The following AOAH variants were observed in gnomAD, a reference collection of about 807,000 sequenced individuals.
AOAH encodes the protein acyloxyacyl hydrolase, also known as acyloxyacyl hydrolase (neutrophil).
A neutral mutation model predicts 92.2 loss-of-function variants in AOAH; 64 were observed. The ratio of observed to expected loss-of-function variants is 0.69; its 90% CI spans 0.57 to 0.86. AOAH has a LOEUF of 0.86. Ranked by LOEUF, AOAH falls within the 40% of genes least tolerant of loss-of-function variation. The pLI, the probability that AOAH is intolerant of heterozygous loss-of-function variation, is 0.00. For synonymous variants in AOAH, 263 were observed against 254.5 expected, an observed-to-expected ratio of 1.03 and a Z score of -0.32; for missense variants, 656 against 694.6, an observed-to-expected ratio of 0.94 and a Z score of 0.62.
chr7:36,724,259 T>C lies in AOAH; in HGVS notation c.-111A>G. ...ATCTCTCTCTCCTTCTCTTCCTCAC[T>C]CTCTTTGACACACACACCCCACCCT... On this transcript the variant is annotated 5_prime_UTR_variant, in exon 1 of 21. Transcript: ENST00000617537. The C allele has an allele frequency of 7.7e-7, 1 of 1,298,716 alleles. No individual in the cohort carries two copies. Among genetic ancestry groups the C allele is most frequent in the Non-Finnish European group, 1.1e-6 (1 of 921,758 alleles). The allele number at this position is 1,298,716 out of a possible 1,614,324, so 80.4% of individuals were successfully genotyped here. A position where few individuals can be genotyped will look rare whatever the true frequency, so the allele number is the denominator to read the frequency against.
At chr7:36,691,442 T>G (rs375597296) in intron 1 of AOAH, among the ~76,000 whole-genome samples, 14 of 152,328 alleles carry the variant, frequency 9.2e-5, no homozygotes, top group East Asian at 5.8e-4. Flanking sequence ...TGAATCTCAT[T>G]GCACCTTACC....
intron 11 of AOAH, among the ~76,000 whole-genome samples, chr7:36,612,122 T>G (rs1298278757): frequency 6.6e-6 from 1 of 152,174 alleles, no homozygotes; most frequent in East Asian, 1.9e-4. Context: ...TCCAAGATCT[T>G]GAGCCACAAT....
chr7:36,522,163 CG>C lies in AOAH; in HGVS notation c.1523-49del, dbSNP rs1562859233. ...GTTACAGACACACTTGCACAAGCAACGGCCAATATCCAAGGACAAGGACGTG... is the reference window on the plus strand; with the variant it reads ...GTTACAGACACACTTGCACAAGCAACGCCAATATCCAAGGACAAGGACGTG... On this transcript the variant is annotated intron_variant, in intron 19 of 20. Coordinates refer to ENST00000617537, the MANE Select transcript of AOAH (RefSeq NM_001637.4). 1.9e-6 allele frequency: 3 copies of C among 1,571,894 alleles called. No homozygotes were observed. The Admixed American group carries it at 5.0e-5, about 26-fold the overall frequency.
intron 1 of AOAH, among the ~76,000 whole-genome samples, chr7:36,694,662 AT>A (rs1201407454): frequency 2.6e-5 from 4 of 152,380 alleles, no homozygotes; most frequent in East Asian, 1.9e-4. Flanking sequence ...GTTATAAAAA[AT>A]GTCCTCTGTA....
intron 15 of AOAH, among the ~76,000 whole-genome samples, chr7:36,545,815 G>A (rs189157266): frequency 3.3e-4 from 50 of 152,232 alleles, no homozygotes; most frequent in African/African-American, 1.1e-3. Flanking sequence ...GGGATGCTGC[G>A]CTGGGATGTT....
chr7:36,604,939 C>A (rs1790892212), intron 11 of AOAH, among the ~76,000 whole-genome samples: 1 of 152,204 alleles, frequency 6.6e-6, no homozygotes, highest in Admixed American at 6.5e-5. Context: ...TTCCTTTGAG[C>A]TCTTTAGCGG....
intron 13 of AOAH, among the ~76,000 whole-genome samples, chr7:36,570,258 G>A (rs921000023): frequency 3.3e-5 from 5 of 150,156 alleles, no homozygotes; most frequent in East Asian, 1.9e-4. Context: ...AGTGGAATCC[G>A]GCAGTATTCG....
At chr7:36,630,243 T>C (rs1263751558) in intron 6 of AOAH, among the ~76,000 whole-genome samples, 1 of 152,218 alleles carries the variant, frequency 6.6e-6, no homozygotes, top group Admixed American at 6.5e-5. Flanking sequence ...CCACCCAGTT[T>C]GTGGTGTTTT....
intron 3 of AOAH, among the ~76,000 whole-genome samples, chr7:36,660,884 TTA>T (rs1467383400): frequency 6.6e-6 from 1 of 152,228 alleles, no homozygotes; most frequent in Non-Finnish European, 1.5e-5. Flanking sequence ...AAAACTCTAC[TTA>T]TATACTTCTT....
At chr7:36,607,825 G>A (rs1791120946) in intron 11 of AOAH, among the ~76,000 whole-genome samples, 1 of 152,124 alleles carries the variant, frequency 6.6e-6, no homozygotes, top group Admixed American at 6.5e-5. Context: ...GGTACAGTCG[G>A]GTGTGATTGC....
At chr7:36,513,641 G>A (rs148747032) in intron 20 of AOAH, among the ~76,000 whole-genome samples, 280 of 152,348 alleles carry the variant, frequency 1.8e-3, no homozygotes, top group African/African-American at 6.2e-3. Flanking sequence ...GCTAGTGACT[G>A]GCTTCGGAGG....
At position 36,724,003 on chromosome 7, in the gene AOAH, A is replaced by G. The variant is rs1799814460; in HGVS notation, c.127+19T>C. ...TTGTTATGTCTACATAGAAAATACA[A>G]AAATATTTATTTGCATACCTACACA... On this transcript the variant is annotated intron_variant, in intron 1 of 20. Coordinates refer to ENST00000617537, the MANE Select transcript of AOAH (RefSeq NM_001637.4). 1.2e-6 allele frequency: 2 copies of G among 1,609,684 alleles called. No homozygotes were observed. The highest frequency in any genetic ancestry group is 3.4e-5 in the Admixed American group (2 of 59,342).
chr7:36,528,823 A>C (rs1784531708), intron 19 of AOAH, among the ~76,000 whole-genome samples: 1 of 151,964 alleles, frequency 6.6e-6, no homozygotes, highest in South Asian at 2.1e-4. Flanking sequence ...GCTGGTCTTG[A>C]CCTCCTGGAC....
intron 12 of AOAH, among the ~76,000 whole-genome samples, chr7:36,593,162 G>A (rs1219187322): frequency 6.6e-6 from 1 of 152,098 alleles, no homozygotes; most frequent in African/African-American, 2.4e-5. Flanking sequence ...ACCATTATTT[G>A]TTCACTTGTC....
At chr7:36,686,375 T>A (rs1052678878) in intron 2 of AOAH, among the ~76,000 whole-genome samples, 36 of 152,336 alleles carry the variant, frequency 2.4e-4, no homozygotes, top group African/African-American at 8.4e-4. Context: ...TTTTGACTTC[T>A]TAGTACTTAA....
intron 1 of AOAH, among the ~76,000 whole-genome samples, chr7:36,707,518 T>G (rs76158227): frequency 0.049 from 7,523 of 152,232 alleles, 345 homozygotes; most frequent in African/African-American, 0.11. Flanking sequence ...TAGACTTGTT[T>G]GGCATAGGGT....
At chr7:36,526,165 G>A (rs977550351) in intron 19 of AOAH, among the ~76,000 whole-genome samples, 1 of 152,192 alleles carries the variant, frequency 6.6e-6, no homozygotes, top group South Asian at 2.1e-4. Context: ...GCCTTTGGAA[G>A]AACTTGCTTG....
chr7:36,560,873 T>C (rs1455792109), intron 13 of AOAH, among the ~76,000 whole-genome samples: 2 of 152,024 alleles, frequency 1.3e-5, no homozygotes, highest in Non-Finnish European at 2.9e-5. Context: ...AAATTAGGAG[T>C]AATCAGTCCA....
intron 4 of AOAH, among the ~76,000 whole-genome samples, chr7:36,650,766 TA>T (rs1026527237): frequency 6.6e-6 from 1 of 152,198 alleles, no homozygotes; most frequent in African/African-American, 2.4e-5. Context: ...TATTTTTTAC[TA>T]AACAAATCTT....
Sources: gnomAD v4.1 joint callset for allele counts (sites outside exome capture counted in the v4.1 genomes callset) on GRCh38, gnomAD v4.1.1 for gene constraint, MANE v1.5 for transcripts, NCBI Gene and HGNC (gene_info 2026-07-23, HGNC 2026-07-21) for gene names.